Variants in PECR observed in about 807,000 individuals in gnomAD.
The protein encoded by PECR is peroxisomal trans-2-enoyl-CoA reductase.
PECR carries 30 observed loss-of-function variants against 35.3 expected under a neutral mutation model. The observed-to-expected ratio is 0.85, with a 90% CI of 0.64 to 1.15. The LOEUF is 1.15. Among genes scored for constraint, PECR ranks in the 50% most tolerant of loss-of-function variants. The pLI, the probability that PECR is intolerant of heterozygous loss-of-function variation, is 0.00. For synonymous variants in PECR, 148 were observed against 138.9 expected (o/e 1.07, Z -0.46); for missense variants, 392 against 370.8 (o/e 1.06, Z -0.47).
chr2:216,043,394 G>A (rs1694933576), intron 7 of PECR, among the ~76,000 whole-genome samples: 1 of 152,120 alleles, frequency 6.6e-6, no homozygotes, highest in African/African-American at 2.4e-5. Context: ...ACAGGCATGA[G>A]CCACCATACC....
intron 7 of PECR, among the ~76,000 whole-genome samples, 198 bp from the exon 8 acceptor site, chr2:216,039,558 CAT>C (rs905106990): frequency 9.2e-5 from 14 of 152,236 alleles, no homozygotes; most frequent in Admixed American, 8.5e-4. Context: ...AATTTGGGCA[CAT>C]GTCTCTTCCT....
chr2:216,043,851 C>T (rs935502809), intron 7 of PECR, 53 bp downstream of exon 7: 2 of 934,162 alleles, frequency 2.1e-6, no homozygotes, highest in Admixed American at 3.5e-5. Flanking sequence ...ATTTTAAACC[C>T]CTGAACATGA....
chr2:216,038,701 C>T lies in PECR; in HGVS notation c.*574G>A, dbSNP rs1048978740. On this transcript the variant is annotated 3_prime_UTR_variant, in exon 8 of 8. Coordinates refer to ENST00000265322, the MANE Select transcript of PECR (RefSeq NM_018441.6). ...TCTCAGCTCACTGCAACCTCTGCTT[C>T]CTGGGTTCAAGCGATCCTCCTGCCT... 4 of 155,186 alleles carry T rather than the reference C, an allele frequency of 2.6e-5. No individual in the cohort carries two copies. The highest frequency in any genetic ancestry group is 9.7e-5 in the African/African-American group (4 of 41,432). 9.6% of individuals were successfully genotyped at this position (155,186 alleles called of 1,614,324 possible).
At chr2:216,056,724 A>G (rs1387938562) in intron 4 of PECR, among the ~76,000 whole-genome samples, 3 of 101,590 alleles carry the variant, frequency 3.0e-5, no homozygotes, top group Admixed American at 9.9e-5. Context: ...TCCATCTCAG[A>G]AAAAAAAAAA....
Position 216,065,432 on chromosome 2 carries a change from TG to T in PECR, c.303del (p.Asn102IlefsTer4). ...VKSTLDTFGK[I>X]NFLVNNGGGQ... The stretch of plus-strand genomic sequence containing the variant: ...CCTCCTCCATTGTTCACCAAGAAAT[TG>T]ATCTTACCAAAAGTATCTAAGGTAG... On this transcript the variant is annotated frameshift_variant, in exon 3 of 8. Coordinates refer to ENST00000265322, the MANE Select transcript of PECR (RefSeq NM_018441.6). LOFTEE classifies it high-confidence loss of function. 2 of 1,607,130 alleles carry T rather than the reference TG, an allele frequency of 1.2e-6. No individual in the cohort carries two copies. Among genetic ancestry groups the T allele is most frequent in the Non-Finnish European group, 8.5e-7 (1 of 1,173,672 alleles).
chr2:216,042,936 TACATACGTATATGTGTATATATATATAC>T lies in PECR; in HGVS notation c.826+940_826+967del, dbSNP rs1422833179. 2.1e-5 allele frequency among the ~76,000 whole-genome samples: 3 copies of T among 145,502 alleles called. 1 individual carries two copies. The highest frequency in any genetic ancestry group is 5.2e-5 in the African/African-American group (2 of 38,222). ...CACACCCGACTAACTGTTATATATA[TACATACGTATATGTGTATATATATATAC>T]ACATACGTATATGTGTATATATATA... On this transcript the variant is annotated intron_variant, in intron 7 of 7. Transcript: ENST00000265322.
At chr2:216,051,330 T>C (rs1695111074) in intron 5 of PECR, 119 bp downstream of exon 5, 2 of 714,396 alleles carry the variant, frequency 2.8e-6, no homozygotes, top group Middle Eastern at 2.7e-4. Flanking sequence ...ATTTTATCTA[T>C]GTTTTAAAGT....
chr2:216,040,355 C>T (rs968593148), intron 7 of PECR, among the ~76,000 whole-genome samples: 6 of 152,148 alleles, frequency 3.9e-5, no homozygotes, highest in Admixed American at 6.5e-5. Context: ...CTCGACTTCC[C>T]GGGCTCCAGT....
chr2:216,045,080 C>G (rs577165619), intron 6 of PECR, among the ~76,000 whole-genome samples: 59 of 152,246 alleles, frequency 3.9e-4, no homozygotes, highest in African/African-American at 1.4e-3. Flanking sequence ...AGGAGGTATT[C>G]ACTCTCAGGT....
chr2:216,031,691 G>GAGAA (rs1395273679), intron 7 of PECR, among the ~76,000 whole-genome samples: 27 of 61,162 alleles, frequency 4.4e-4, no homozygotes, highest in South Asian at 3.9e-3. Context: ...AAGAAAGAAA[G>GAGAA]AGAAAGAAAG....
In PECR at chr2:216,066,369, G is replaced by C. The variant is rs765129562; in HGVS notation, c.258+16C>G. On this transcript the variant is annotated intron_variant, in intron 2 of 7. Coordinates refer to ENST00000265322, the MANE Select transcript of PECR (RefSeq NM_018441.6). ...TTACAATGAATGAATAAATGATACA[G>C]ATATATCTCCATTACCTCCTCCTCA... is the stretch of plus-strand genomic sequence containing the variant. 2.4e-5 allele frequency: 39 copies of C among 1,603,728 alleles called. No individual in the cohort carries two copies. In the Admixed American group the frequency reaches 6.2e-4, roughly 25 times the overall value.
At chr2:216,067,368 T>C (rs541848351) in intron 1 of PECR, among the ~76,000 whole-genome samples, 9 of 152,212 alleles carry the variant, frequency 5.9e-5, no homozygotes, top group Admixed American at 2.6e-4. Context: ...ATGGTTAGTG[T>C]GCCCACCAGA....
chr2:216,031,018 C>G (rs1694680352), intron 7 of PECR, among the ~76,000 whole-genome samples: 1 of 151,860 alleles, frequency 6.6e-6, no homozygotes, highest in South Asian at 2.1e-4. Context: ...CTCTCTCTCT[C>G]ATTTGCTTGC....
At chr2:216,060,450 C>A (rs1033239946) in intron 3 of PECR, among the ~76,000 whole-genome samples, 16 of 152,074 alleles carry the variant, frequency 1.1e-4, no homozygotes, top group Non-Finnish European at 2.2e-4. Context: ...TCACTTAAGG[C>A]CAGGAGTTCA....
chr2:216,032,955 G>C (rs1285939334), intron 7 of PECR: 1 of 152,120 alleles, frequency 6.6e-6, no homozygotes, highest in Non-Finnish European at 1.5e-5. Context: ...TCCTAAGAAG[G>C]CACTGCTCAG....
intron 3 of PECR, chr2:216,064,261 A>C (rs1181161530): frequency 6.6e-6 from 1 of 152,228 alleles, no homozygotes; most frequent in Admixed American, 6.5e-5. Context: ...TTAGGCACAT[A>C]GCTGCCCACC....
At chr2:216,062,534 C>CT (rs1220431798) in intron 3 of PECR, among the ~76,000 whole-genome samples, 3 of 152,150 alleles carry the variant, frequency 2.0e-5, no homozygotes, top group African/African-American at 7.2e-5. Context: ...CTTCACAATT[C>CT]TTTAACAATA....
At chr2:216,055,462 A>AAAACAAAC (rs1361743244) in intron 4 of PECR, among the ~76,000 whole-genome samples, 1 of 149,768 alleles carries the variant, frequency 6.7e-6, no homozygotes, top group African/African-American at 2.5e-5. Context: ...AAAAAACAAA[A>AAAACAAAC]AAACAAACAA....
intron 4 of PECR, 89 bp from the exon 5 acceptor site, chr2:216,051,634 C>G: frequency 1.2e-6 from 1 of 824,838 alleles, no homozygotes; most frequent in Non-Finnish European, 2.1e-6. Flanking sequence ...AACTACCTGA[C>G]AGAATTCCAC....
Sources: gnomAD v4.1 joint callset for allele counts (sites outside exome capture counted in the v4.1 genomes callset) on GRCh38, gnomAD v4.1.1 for gene constraint, MANE v1.5 for transcripts, NCBI Gene and HGNC (gene_info 2026-07-23, HGNC 2026-07-21) for gene names.